The following OR51B5 variants were observed in gnomAD, a reference collection of about 807,000 sequenced individuals.
OR51B5 encodes the protein olfactory receptor family 51 subfamily B member 5, also known as olfactory receptor 51B5.
For missense variants in OR51B5, 456 were observed against 374.6 expected (o/e 1.22, Z -1.79); for synonymous variants, 186 against 144.8 (o/e 1.28, Z -2.04).
chr11:5,378,691 A>G (rs1271239299), intron 1 of OR51B5, among the ~76,000 whole-genome samples: 1 of 152,182 alleles, frequency 6.6e-6, no homozygotes, highest in Non-Finnish European at 1.5e-5. Flanking sequence ...CATTTATGCA[A>G]CCAAAAGACA....
chr11:5,416,043 A>C (rs1398295470), intron 1 of OR51B5, among the ~76,000 whole-genome samples: 6 of 146,458 alleles, frequency 4.1e-5, no homozygotes, highest in African/African-American at 1.0e-4. Flanking sequence ...TACTGGCAAA[A>C]CGAATCCAGC....
chr11:5,408,936 A>G (rs560735971), intron 1 of OR51B5, among the ~76,000 whole-genome samples: 89 of 152,240 alleles, frequency 5.8e-4, no homozygotes, highest in African/African-American at 1.9e-3. Flanking sequence ...ATATTTTTGT[A>G]ACACCCTCCT....
intron 1 of OR51B5, among the ~76,000 whole-genome samples, chr11:5,492,724 C>T (rs964708845): frequency 2.0e-5 from 3 of 152,154 alleles, no homozygotes; most frequent in African/African-American, 7.2e-5. Flanking sequence ...GCAACCTCTG[C>T]CTCCCAGGTT....
At chr11:5,359,189 G>C (rs184803497) in intron 1 of OR51B5, among the ~76,000 whole-genome samples, 2 of 151,808 alleles carry the variant, frequency 1.3e-5, no homozygotes, top group East Asian at 3.9e-4. Flanking sequence ...ATTAGGAAAA[G>C]AGGAAGTCAA....
At chr11:5,429,551 C>T (rs1281639560) in intron 1 of OR51B5, among the ~76,000 whole-genome samples, 4 of 152,068 alleles carry the variant, frequency 2.6e-5, no homozygotes, top group Non-Finnish European at 5.9e-5. Context: ...TATACAAAGG[C>T]CTGTGTGTTT....
chr11:5,384,436 AG>A (rs1401279182), intron 1 of OR51B5, among the ~76,000 whole-genome samples: 3 of 152,220 alleles, frequency 2.0e-5, no homozygotes, highest in Non-Finnish European at 4.4e-5. Flanking sequence ...ACAGAACCAG[AG>A]CCAGAGAAAG....
At chr11:5,388,701 CT>C (rs1849741438) in intron 1 of OR51B5, among the ~76,000 whole-genome samples, 1 of 151,386 alleles carries the variant, frequency 6.6e-6, no homozygotes, top group South Asian at 2.1e-4. Context: ...TCATTAAAAA[CT>C]TGTTTATGTA....
chr11:5,415,792 C>A (rs1281968510), intron 1 of OR51B5, among the ~76,000 whole-genome samples: 1 of 152,126 alleles, frequency 6.6e-6, no homozygotes, highest in Non-Finnish European at 1.5e-5. Context: ...CAATAGATTA[C>A]CAACTGAAAA....
At chr11:5,394,653 A>G (rs1018397709) in intron 1 of OR51B5, among the ~76,000 whole-genome samples, 6 of 152,208 alleles carry the variant, frequency 3.9e-5, no homozygotes, top group Non-Finnish European at 7.3e-5. Context: ...GCCTTTGTAC[A>G]TGTTTTCCCC....
intron 1 of OR51B5, among the ~76,000 whole-genome samples, chr11:5,359,945 AG>A (rs1402586531): frequency 6.6e-6 from 1 of 152,248 alleles, no homozygotes; most frequent in African/African-American, 2.4e-5. Context: ...AACCATACGC[AG>A]AAAGCTGAAA....
At chr11:5,444,483 T>C (rs1424628427) in intron 1 of OR51B5, among the ~76,000 whole-genome samples, 1 of 152,170 alleles carries the variant, frequency 6.6e-6, no homozygotes, top group Admixed American at 6.5e-5. Flanking sequence ...GGGTCAGATT[T>C]GGCTCACATT....
At chr11:5,347,338 C>T (rs1396209041), upstream of OR51B5, among the ~76,000 whole-genome samples, 4 of 152,158 alleles carry the variant, frequency 2.6e-5, no homozygotes, top group Non-Finnish European at 5.9e-5. Flanking sequence ...AAGCAGAGAG[C>T]TAGATAGACT....
At chr11:5,399,085 C>T (rs1454574181) in intron 1 of OR51B5, among the ~76,000 whole-genome samples, 1 of 152,154 alleles carries the variant, frequency 6.6e-6, no homozygotes, top group Non-Finnish European at 1.5e-5. Context: ...GAATCACATC[C>T]TAAATTGGTG....
intron 1 of OR51B5, among the ~76,000 whole-genome samples, chr11:5,412,984 GCCT>G (rs1465676706): frequency 2.0e-5 from 3 of 152,124 alleles, no homozygotes; most frequent in East Asian, 3.9e-4. Flanking sequence ...TGGGCAGACT[GCCT>G]CCTCAAGTGG....
At chr11:5,440,834 C>G in intron 1 of OR51B5, 3 of 1,613,784 alleles carry the variant, frequency 1.9e-6, no homozygotes, top group Non-Finnish European at 2.5e-6. Context: ...TGATGACCAG[C>G]ATGGCTCTCA....
At chr11:5,415,659 TA>T in intron 1 of OR51B5, among the ~76,000 whole-genome samples, 1 of 152,128 alleles carries the variant, frequency 6.6e-6, no homozygotes, top group Admixed American at 6.5e-5. Context: ...TCTATGCAAA[TA>T]AACTAGAAAA....
chr11:5,370,210 A>C (rs1849427858), intron 1 of OR51B5, among the ~76,000 whole-genome samples: 2 of 152,252 alleles, frequency 1.3e-5, no homozygotes, highest in African/African-American at 2.4e-5. Context: ...TATCATTAAC[A>C]GTCACAGTCT....
intron 1 of OR51B5, among the ~76,000 whole-genome samples, chr11:5,404,616 C>T (rs1260341322): frequency 2.0e-5 from 3 of 152,158 alleles, no homozygotes; most frequent in Non-Finnish European, 2.9e-5. Flanking sequence ...AAGCCAGCAG[C>T]GGCAACCACC....
intron 1 of OR51B5, chr11:5,391,996 G>A (rs1230816158): frequency 6.6e-6 from 1 of 152,230 alleles, no homozygotes; most frequent in Non-Finnish European, 1.5e-5. Context: ...TTGAGCCCAG[G>A]AGGTTGAGGC....
Sources: allele counts gnomAD v4.1 joint callset (sites outside exome capture counted in the v4.1 genomes callset), GRCh38; gene constraint gnomAD v4.1.1; transcripts MANE v1.5; gene names NCBI Gene and HGNC (gene_info 2026-07-23, HGNC 2026-07-21).